RBMS3: variants seen among roughly 807,000 people sequenced by gnomAD.
RBMS3 encodes the protein RNA-binding motif, single-stranded-interacting protein 3.
Under a neutral mutation model 66.8 loss-of-function variants are expected in RBMS3, and 27 were observed. The observed-to-expected ratio is 0.40, with a 90% CI of 0.30 to 0.56. The LOEUF is 0.56. Ranked by LOEUF, RBMS3 falls within the 20% of genes least tolerant of loss-of-function variation. The probability of loss-of-function intolerance (pLI) is 0.40; values close to 1 mark genes in which losing one functional copy is unlikely to be tolerated. For missense variants in RBMS3, 513 were observed against 549.5 expected (o/e 0.93, Z 0.66); for synonymous variants, 188 against 183.0 (o/e 1.03, Z -0.22).
chr3:29,385,287 T>A (rs1361236298), intron 1 of RBMS3, among the ~76,000 whole-genome samples: 1 of 152,118 alleles, frequency 6.6e-6, no homozygotes, highest in African/African-American at 2.4e-5. Flanking sequence ...ACCGCAGGAC[T>A]CCCAGGACTG....
intron 14 of RBMS3, among the ~76,000 whole-genome samples, chr3:29,997,813 T>C (rs993100162): frequency 8.5e-5 from 13 of 152,228 alleles, no homozygotes; most frequent in South Asian, 2.1e-4. Context: ...GCCAATATCA[T>C]ACTGAATGGG....
chr3:29,986,229 A>G (rs1236039114), intron 12 of RBMS3, among the ~76,000 whole-genome samples: 1 of 152,248 alleles, frequency 6.6e-6, no homozygotes, highest in East Asian at 1.9e-4. Context: ...CATGGTTGAT[A>G]AAAATATATT....
chr3:29,376,937 A>G (rs1409451883), intron 1 of RBMS3, among the ~76,000 whole-genome samples: 1 of 151,918 alleles, frequency 6.6e-6, no homozygotes. Context: ...AAATACAAAA[A>G]AATTAGCCGG....
At chr3:29,393,016 G>C (rs982168091) in intron 1 of RBMS3, among the ~76,000 whole-genome samples, 4 of 152,086 alleles carry the variant, frequency 2.6e-5, no homozygotes, top group Non-Finnish European at 5.9e-5. Context: ...TTCTGTGAAA[G>C]AGCCACTATT....
chr3:29,358,321 G>C (rs1359382351), intron 1 of RBMS3, among the ~76,000 whole-genome samples: 1 of 152,118 alleles, frequency 6.6e-6, no homozygotes, highest in Admixed American at 6.6e-5. Flanking sequence ...CCCATTTCTT[G>C]ATTTTGTCAG....
intron 4 of RBMS3, among the ~76,000 whole-genome samples, chr3:29,724,957 G>T (rs2053794451): frequency 6.6e-6 from 1 of 152,106 alleles, no homozygotes; most frequent in Non-Finnish European, 1.5e-5. Flanking sequence ...TTAGCTCAAG[G>T]GGTGACATAC....
intron 2 of RBMS3, among the ~76,000 whole-genome samples, chr3:29,450,012 T>C (rs937944493): frequency 6.6e-6 from 1 of 152,132 alleles, no homozygotes; most frequent in African/African-American, 2.4e-5. Flanking sequence ...GTTATTTCAA[T>C]TGAGAGTTTT....
chr3:29,434,888 A>G lies in RBMS3; in HGVS notation c.221A>G (p.Asp74Gly). The change falls in exon 2 of 15, where the codon GAC becomes GGC. Residue 74 changes from aspartate to glycine, a missense_variant. Physicochemically the swap from Asp to Gly is moderately conservative, Grantham distance 94 (BLOSUM62 -1). Coordinates refer to ENST00000383767, the MANE Select transcript of RBMS3 (RefSeq NM_001003793.3). ...YIRGLPPGTT[D>G]QDLIKLCQPY... is the part of the protein sequence containing the mutation. ...CGAGGCCTCCCACCAGGCACCACTG[A>G]CCAGGACCTAATCAAGCTGTGCCAA... is the stretch of plus-strand genomic sequence containing the variant. 1 of 1,613,962 alleles carries G rather than the reference A, an allele frequency of 6.2e-7. No individual in the cohort carries two copies. Among genetic ancestry groups the G allele is most frequent in the South Asian group, 1.1e-5 (1 of 91,058 alleles).
chr3:29,322,507 T>G (rs902065179), intron 1 of RBMS3, among the ~76,000 whole-genome samples: 4 of 152,056 alleles, frequency 2.6e-5, no homozygotes, highest in African/African-American at 4.8e-5. Context: ...GAAAATAAAG[T>G]GTACATTTTA....
intron 4 of RBMS3, among the ~76,000 whole-genome samples, chr3:29,636,024 T>C (rs2049459696): frequency 1.4e-5 from 2 of 145,220 alleles, no homozygotes; most frequent in South Asian, 4.6e-4. Flanking sequence ...AAGGGTCTGA[T>C]GCTGTCATCA....
At chr3:29,370,102 A>G (rs560099351) in intron 1 of RBMS3, among the ~76,000 whole-genome samples, 1 of 152,310 alleles carries the variant, frequency 6.6e-6, no homozygotes, top group East Asian at 1.9e-4. Flanking sequence ...GTGTTCCAGG[A>G]GGTCTTTTTA....
At chr3:29,756,082 A>T (rs973502098) in intron 5 of RBMS3, among the ~76,000 whole-genome samples, 1 of 152,218 alleles carries the variant, frequency 6.6e-6, no homozygotes, top group African/African-American at 2.4e-5. Flanking sequence ...TCATTTAAAG[A>T]ACAAAACTGC....
chr3:29,385,540 G>T (rs1388550889), intron 1 of RBMS3, among the ~76,000 whole-genome samples: 1 of 152,068 alleles, frequency 6.6e-6, no homozygotes, highest in Non-Finnish European at 1.5e-5. Context: ...CTTCTTTATT[G>T]TAGTTTCAGA....
In RBMS3 at chr3:29,996,578, AC is replaced by A. The variant is rs1559875877; in HGVS notation, c.1307+5370del. ...ATTATAACAAACTATCTCTCAGACC[AC>A]AGTGCAATCAAACTAGAACTCAGGA... On this transcript the variant is annotated intron_variant, in intron 14 of 14. Coordinates refer to ENST00000383767, the MANE Select transcript of RBMS3 (RefSeq NM_001003793.3). Among the ~76,000 whole-genome samples, 277 of 150,212 alleles carry A rather than the reference AC, an allele frequency of 1.8e-3. 2 individuals are homozygous for A. The highest frequency in any genetic ancestry group is 6.5e-3 in the African/African-American group (265 of 40,938).
In RBMS3 at chr3:29,281,741, T is replaced by C. The variant is rs1467786966; in HGVS notation, c.60T>C (p.His20=). The change falls in exon 1 of 15, where the codon CAT becomes CAC. Residue 20 remains histidine, a synonymous_variant. Coordinates refer to ENST00000383767, the MANE Select transcript of RBMS3 (RefSeq NM_001003793.3). ...MYPQYTYYYP[H]YLQTKQSYAP... ...CCCAGTACACTTACTACTATCCTCA[T>C]TATCTCCAAACCAAGGTATGGCTTG... 1.2e-6 allele frequency: 2 copies of C among 1,613,060 alleles called. No individual in the cohort carries two copies. The highest frequency in any genetic ancestry group is 4.5e-5 in the East Asian group (2 of 44,786).
At chr3:29,477,767 T>A (rs930564358) in intron 2 of RBMS3, among the ~76,000 whole-genome samples, 8 of 151,978 alleles carry the variant, frequency 5.3e-5, no homozygotes, top group Non-Finnish European at 1.2e-4. Context: ...TATTTTTTCT[T>A]TTTCTTTTTC....
intron 6 of RBMS3, among the ~76,000 whole-genome samples, chr3:29,780,014 G>C (rs2056572558): frequency 6.6e-6 from 1 of 151,676 alleles, no homozygotes; most frequent in South Asian, 2.1e-4. Context: ...ACCCTGCATG[G>C]AGGAAAGGAA....
chr3:29,927,494 G>C (rs2060970758), intron 10 of RBMS3, among the ~76,000 whole-genome samples: 2 of 152,166 alleles, frequency 1.3e-5, no homozygotes, highest in South Asian at 2.1e-4. Context: ...AATAAAGTTT[G>C]ATCATGATCA....
chr3:29,405,759 T>C (rs184040555), intron 1 of RBMS3, among the ~76,000 whole-genome samples: 1 of 152,330 alleles, frequency 6.6e-6, no homozygotes, highest in Admixed American at 6.5e-5. Flanking sequence ...TACTTGCAGT[T>C]ATTCTAAGGT....
Sources: gnomAD v4.1 joint callset for allele counts (sites outside exome capture counted in the v4.1 genomes callset) on GRCh38, gnomAD v4.1.1 for gene constraint, MANE v1.5 for transcripts, NCBI Gene and HGNC (gene_info 2026-07-23, HGNC 2026-07-21) for gene names.